The following PGAP1 variants were observed in gnomAD, a reference collection of about 807,000 sequenced individuals.
PGAP1 encodes post-GPI attachment to proteins inositol deacylase 1, also known as GPI inositol-deacylase.
In PGAP1, 76 loss-of-function variants were observed where a neutral mutation model predicts 127.0. The observed-to-expected ratio is 0.60, with a 90% confidence interval of 0.50 to 0.72. The LOEUF (loss-of-function observed/expected upper bound fraction) is 0.72. Ranked by LOEUF, PGAP1 falls within the 30% of genes least tolerant of loss-of-function variation. The probability of loss-of-function intolerance (pLI) is 0.00; values close to 1 mark genes in which losing one functional copy is unlikely to be tolerated. For synonymous variants in PGAP1, 362 were observed against 366.5 expected (o/e 0.99, Z 0.14); for missense variants, 982 against 1,071.3 (o/e 0.92, Z 1.16).
At position 196,844,026 on chromosome 2, in the gene PGAP1, T is replaced by C; in HGVS notation, c.2387A>G (p.Asp796Gly). The C allele has an allele frequency of 1.3e-6, 2 of 1,599,342 alleles. No individual in the cohort carries two copies. Among genetic ancestry groups the C allele is most frequent in the South Asian group, 1.1e-5 (1 of 88,674 alleles). Residue 796 changes from aspartate (D) to glycine (G), a missense_variant, in exon 25 of 27, where the codon GAC becomes GGC. Transcript: ENST00000354764. ...RSEKKSNHHK[D>G]SSIHHLRLSA... ...TAAACGAAGATGGTGTATTGAGGAGTCTTTATGATGATTGGATTTCTTTTC... is the reference window on the plus strand; with the variant it reads ...TAAACGAAGATGGTGTATTGAGGAGCCTTTATGATGATTGGATTTCTTTTC...
chr2:196,866,338 C>G (rs944291957), intron 19 of PGAP1, among the ~76,000 whole-genome samples: 6 of 152,190 alleles, frequency 3.9e-5, no homozygotes, highest in Non-Finnish European at 5.9e-5. Context: ...ACCATCTGAT[C>G]TTTGACAAAC....
chr2:196,842,668 G>T, intron 26 of PGAP1, 53 bp downstream of exon 26: 2 of 841,012 alleles, frequency 2.4e-6, no homozygotes, highest in Admixed American at 2.6e-5. Context: ...AGATATAAAG[G>T]GGGAAAAAGG....
chr2:196,879,285 G>T (rs1701655486), intron 13 of PGAP1, among the ~76,000 whole-genome samples: 1 of 152,170 alleles, frequency 6.6e-6, no homozygotes, highest in Middle Eastern at 3.4e-3. Flanking sequence ...TTCTTTTTAT[G>T]TACTTGCTAT....
At chr2:196,916,237 ATAAATT>A (rs944820163) in intron 3 of PGAP1, among the ~76,000 whole-genome samples, 175 bp downstream of exon 3, 4 of 152,246 alleles carry the variant, frequency 2.6e-5, no homozygotes, top group Non-Finnish European at 4.4e-5. Flanking sequence ...AATGTTTCTT[ATAAATT>A]TAAACTTCAA....
intron 23 of PGAP1, among the ~76,000 whole-genome samples, chr2:196,844,799 G>A (rs762072441): frequency 6.6e-6 from 1 of 151,954 alleles, no homozygotes; most frequent in African/African-American, 2.4e-5. Context: ...ACAAAAAAAC[G>A]GAAACAGAAA....
intron 22 of PGAP1, 127 bp downstream of exon 22, chr2:196,846,876 T>C: frequency 1.4e-6 from 1 of 739,034 alleles, no homozygotes; most frequent in Non-Finnish European, 2.2e-6. Flanking sequence ...CACTAACCCA[T>C]ACTTTCGCTA....
At position 196,870,957 on chromosome 2, in the gene PGAP1, G is replaced by A; in HGVS notation, c.1751C>T (p.Ser584Leu). ...CTCTCTTACCTGTCCAAGTATTTGT[G>A]AAAAGGAAGTCTTAACTGTCACCTA... ...RYEVTVKTSF[S>L]QILGQVVRFH... is the part of the protein sequence containing the mutation. Residue 584 changes from serine (S) to leucine (L), a missense_variant, in exon 19 of 27, where the codon TCA (serine) becomes TTA (leucine). Physicochemically the swap from Ser to Leu is moderately radical, Grantham distance 145. Coordinates refer to ENST00000354764, the MANE Select transcript of PGAP1 (RefSeq NM_024989.4). 6.2e-7 allele frequency: 1 copy of A among 1,607,498 alleles called. No homozygotes were observed. The highest frequency in any genetic ancestry group is 8.5e-7 in the Non-Finnish European group (1 of 1,174,778).
In PGAP1 at chr2:196,845,948, G is replaced by A. The variant is rs995324814; in HGVS notation, c.2220C>T (p.Ile740=). 1.2e-6 allele frequency: 2 copies of A among 1,608,422 alleles called. No individual in the cohort carries two copies. Among genetic ancestry groups the A allele is most frequent in the Non-Finnish European group, 1.7e-6 (2 of 1,176,284 alleles). ...CTCCACAAGTTGTCCAACTAACTAT[G>A]ATCAAGACAATTGTCAAAAAGGGCA... ...PDLPFLTIVL[I]IVSWTTCGAL... Residue 740 remains isoleucine (I), a synonymous_variant, in exon 23 of 27, where the codon ATC becomes ATT. Coordinates refer to ENST00000354764, the MANE Select transcript of PGAP1 (RefSeq NM_024989.4).
rs537790758 is a variant in PGAP1, at chr2:196,925,721, T to C, written c.147+749A>G. Among the ~76,000 whole-genome samples, 3 of 152,234 alleles carry C rather than the reference T, an allele frequency of 2.0e-5. No individual in the cohort carries two copies. The South Asian group carries it at 6.2e-4, about 32-fold the overall frequency. On this transcript the variant is annotated intron_variant, in intron 1 of 26. Coordinates refer to ENST00000354764, the MANE Select transcript of PGAP1 (RefSeq NM_024989.4). Reference sequence around the variant, plus strand: ...AACAAAAATAGCACCATGAAATAGATTTTGTATGCAACTATTAAGAGGCTC... The same window carrying C: ...AACAAAAATAGCACCATGAAATAGACTTTGTATGCAACTATTAAGAGGCTC...
intron 11 of PGAP1, 68 bp from the exon 12 acceptor site, chr2:196,885,543 A>G: frequency 7.5e-6 from 9 of 1,196,768 alleles, no homozygotes; most frequent in Non-Finnish European, 1.1e-5. Flanking sequence ...TATAAATAAG[A>G]TTCAGAGGAA....
intron 22 of PGAP1, among the ~76,000 whole-genome samples, chr2:196,846,735 C>G (rs1024780507): frequency 1.3e-5 from 2 of 152,180 alleles, no homozygotes; most frequent in Admixed American, 1.3e-4. Flanking sequence ...GAAAGATTCA[C>G]AACCACGAAA....
chr2:196,845,850 T>C (rs375801826), intron 23 of PGAP1, 32 bp downstream of exon 23: 12 of 1,564,796 alleles, frequency 7.7e-6, no homozygotes, highest in Non-Finnish European at 1.0e-5. Flanking sequence ...AATACAAAGC[T>C]CAATCATTTT....
chr2:196,891,709 A>T (rs1191640214), intron 9 of PGAP1, among the ~76,000 whole-genome samples: 1 of 152,092 alleles, frequency 6.6e-6, no homozygotes, highest in Admixed American at 6.6e-5. Flanking sequence ...TTTTTCTGTA[A>T]GTATATAGAA....
At chr2:196,863,804 C>A (rs1701147161) in intron 20 of PGAP1, among the ~76,000 whole-genome samples, 1 of 152,070 alleles carries the variant, frequency 6.6e-6, no homozygotes, top group Non-Finnish European at 1.5e-5. Flanking sequence ...GTCTTGAATT[C>A]CTGACCTCAG....
intron 1 of PGAP1, among the ~76,000 whole-genome samples, chr2:196,923,162 T>C (rs1057203104): frequency 1.3e-5 from 2 of 152,220 alleles, no homozygotes; most frequent in African/African-American, 4.8e-5. Context: ...TGTGTGCTTC[T>C]AGAGATATTT....
chr2:196,856,101 C>A (rs113211411), intron 20 of PGAP1, among the ~76,000 whole-genome samples: 19 of 152,232 alleles, frequency 1.2e-4, no homozygotes, highest in Non-Finnish European at 2.2e-4. Flanking sequence ...GAAACTTCTG[C>A]CTCCTGGGGT....
chr2:196,893,019 T>TAA (rs1254886399), intron 8 of PGAP1, 121 bp downstream of exon 8: 4 of 500,172 alleles, frequency 8.0e-6, no homozygotes, highest in African/African-American at 2.0e-5. Flanking sequence ...TGTATATATA[T>TAA]AATAGGATCC....
intron 25 of PGAP1, 97 bp from the exon 26 acceptor site, chr2:196,842,922 T>A: frequency 1.9e-6 from 1 of 514,576 alleles, no homozygotes; most frequent in Non-Finnish European, 3.4e-6. Context: ...GACATTCCAG[T>A]AGCAATATGG....
chr2:196,865,718 G>T (rs1701218442), intron 19 of PGAP1, among the ~76,000 whole-genome samples: 1 of 152,068 alleles, frequency 6.6e-6, no homozygotes, highest in Non-Finnish European at 1.5e-5. Flanking sequence ...GGAACTATAA[G>T]TTTTAAAATC....
Sources: allele counts gnomAD v4.1 joint callset (sites outside exome capture counted in the v4.1 genomes callset), GRCh38; gene constraint gnomAD v4.1.1; transcripts MANE v1.5; gene names NCBI Gene and HGNC (gene_info 2026-07-23, HGNC 2026-07-21).